The following PTPRE variants were observed in gnomAD, a reference collection of about 807,000 sequenced individuals.
PTPRE encodes receptor-type tyrosine-protein phosphatase epsilon.
Under a neutral mutation model 102.0 loss-of-function variants are expected in PTPRE, and 51 were observed. That is an observed-to-expected ratio of 0.50 (90% confidence interval 0.40 to 0.63). PTPRE has a LOEUF of 0.63. Among genes scored for constraint, PTPRE ranks in the 30% least tolerant of loss-of-function variants. PTPRE has a pLI of 0.00. For synonymous variants in PTPRE, 345 were observed against 348.2 expected (o/e 0.99, Z 0.10); for missense variants, 752 against 915.1 (o/e 0.82, Z 2.30).
At chr10:127,916,238 T>A (rs1465974486) in intron 1 of PTPRE, among the ~76,000 whole-genome samples, 3 of 152,116 alleles carry the variant, frequency 2.0e-5, no homozygotes, top group African/African-American at 7.2e-5. Flanking sequence ...AGGGACCTTG[T>A]AGGAGGTGAT....
In PTPRE at chr10:128,070,991, C is replaced by G. The variant is rs1452181502; in HGVS notation, c.1387+90C>G. The G allele has an allele frequency of 7.7e-7, 1 of 1,305,582 alleles. No homozygotes were observed. The highest frequency in any genetic ancestry group is 2.4e-5 in the East Asian group (1 of 41,890). 80.9% of individuals were successfully genotyped at this position (1,305,582 alleles called of 1,614,324 possible). ...TGGAGAAGCCATTGACCGCTTACCC[C>G]TGTGCACCAGGGTCAAAAGCAGGGT... On this transcript the variant is annotated intron_variant, in intron 15 of 20. Transcript: ENST00000254667. The surrounding 1 kb of genome is among the most constrained non-coding windows in gnomAD (Gnocchi z 4.8).
chr10:127,987,426 T>C (rs1479398195), intron 2 of PTPRE: 1 of 1,089,526 alleles, frequency 9.2e-7, no homozygotes, highest in African/African-American at 1.6e-5. Context: ...GTCTTTCTTG[T>C]CTCTTTGGTT....
chr10:128,023,209 ATAAAATAAACTTTATG>A (rs1846047387), intron 2 of PTPRE, among the ~76,000 whole-genome samples: 1 of 152,048 alleles, frequency 6.6e-6, no homozygotes, highest in South Asian at 2.1e-4. Flanking sequence ...TGCCTGATTT[ATAAAATAAACTTTATG>A]TAGGTATACA....
chr10:128,053,608 T>G (rs1304072292), intron 6 of PTPRE, among the ~76,000 whole-genome samples: 2 of 152,220 alleles, frequency 1.3e-5, no homozygotes, highest in Non-Finnish European at 2.9e-5. Context: ...ACTTCAACTT[T>G]GACCCTCTGT....
chr10:128,014,830 G>A (rs1408171510), intron 2 of PTPRE, among the ~76,000 whole-genome samples: 1 of 152,064 alleles, frequency 6.6e-6, no homozygotes, highest in African/African-American at 2.4e-5. Flanking sequence ...CCTGTGGCTG[G>A]GCGTCCATTT....
At chr10:128,016,677 G>T (rs1245921312) in intron 2 of PTPRE, among the ~76,000 whole-genome samples, 1 of 152,048 alleles carries the variant, frequency 6.6e-6, no homozygotes, top group Non-Finnish European at 1.5e-5. Context: ...GCTCAGAGGG[G>T]ACCACAGGGA....
At chr10:128,051,949 A>C (rs1277398941) in intron 6 of PTPRE, among the ~76,000 whole-genome samples, 1 of 152,190 alleles carries the variant, frequency 6.6e-6, no homozygotes, top group African/African-American at 2.4e-5. Context: ...CTGAAGACTC[A>C]ACCTCCCAGC....
At chr10:128,080,459 G>A (rs1206234008) in intron 20 of PTPRE, among the ~76,000 whole-genome samples, 2 of 152,196 alleles carry the variant, frequency 1.3e-5, no homozygotes. Flanking sequence ...GGCGCAGCAG[G>A]AGCGAGGACA....
intron 2 of PTPRE, among the ~76,000 whole-genome samples, chr10:127,989,783 G>A (rs1852449371): frequency 6.6e-6 from 1 of 152,178 alleles, no homozygotes; most frequent in Non-Finnish European, 1.5e-5. Flanking sequence ...TTATATTTTG[G>A]AACAGTTTTA....
intron 1 of PTPRE, among the ~76,000 whole-genome samples, chr10:127,961,970 T>G (rs1313735289): frequency 6.6e-6 from 1 of 152,344 alleles, no homozygotes; most frequent in East Asian, 1.9e-4. Flanking sequence ...CAGTTACCAC[T>G]CAGGAGATGC....
chr10:127,953,248 G>T (rs1849164945), intron 1 of PTPRE, among the ~76,000 whole-genome samples: 2 of 152,262 alleles, frequency 1.3e-5, no homozygotes, highest in Non-Finnish European at 2.9e-5. Flanking sequence ...AGTGGTGCTT[G>T]CGGTGTCAGT....
At chr10:127,993,763 A>G (rs1225159322) in intron 2 of PTPRE, among the ~76,000 whole-genome samples, 1 of 114,640 alleles carries the variant, frequency 8.7e-6, no homozygotes, top group African/African-American at 3.6e-5. Context: ...TGGATCTTTC[A>G]TAGTGGTGTG....
intron 2 of PTPRE, among the ~76,000 whole-genome samples, chr10:128,015,263 G>T (rs1845321629): frequency 6.6e-6 from 1 of 152,222 alleles, no homozygotes. Flanking sequence ...GGAGAATGGG[G>T]CCGGGCCTCG....
chr10:127,909,334 A>T (rs1158931127), intron 1 of PTPRE, among the ~76,000 whole-genome samples: 2 of 152,190 alleles, frequency 1.3e-5, no homozygotes, highest in African/African-American at 4.8e-5. Flanking sequence ...TGGTAGATGC[A>T]TCAGTTTCAA....
chr10:127,981,475 T>A (rs1851608110), intron 1 of PTPRE, among the ~76,000 whole-genome samples: 1 of 151,878 alleles, frequency 6.6e-6, no homozygotes, highest in African/African-American at 2.4e-5. Flanking sequence ...ATGAAAATTA[T>A]GTCTCAATAA....
chr10:128,047,136 CCT>C (rs537930006), intron 3 of PTPRE, among the ~76,000 whole-genome samples: 43 of 152,330 alleles, frequency 2.8e-4, no homozygotes, highest in African/African-American at 9.6e-4. Flanking sequence ...GGAACTCACC[CCT>C]GTCATGCCTG....
At chr10:128,059,425 A>C (rs1849309762) in intron 7 of PTPRE, among the ~76,000 whole-genome samples, 1 of 152,190 alleles carries the variant, frequency 6.6e-6, no homozygotes, top group South Asian at 2.1e-4. Flanking sequence ...CCCACCTGGC[A>C]GCCTTCCAGG....
At position 128,063,385 on chromosome 10, in the gene PTPRE, C is replaced by T. The variant is rs57003460; in HGVS notation, c.723+205C>T. ...CCCCAGCATCTCACTGTTATCTAAT[C>T]TGTGATAACACAATGACACAAGAGT... On this transcript the variant is annotated intron_variant, in intron 10 of 20. Coordinates refer to ENST00000254667, the MANE Select transcript of PTPRE (RefSeq NM_006504.6). Among the ~76,000 whole-genome samples the T allele has an allele frequency of 7.3e-3, 1,106 of 152,304 alleles. 12 individuals are homozygous for T. Among genetic ancestry groups the T allele is most frequent in the African/African-American group, 0.023 (975 of 41,566 alleles).
intron 2 of PTPRE, among the ~76,000 whole-genome samples, chr10:128,029,437 C>T (rs1846544683): frequency 6.6e-6 from 1 of 152,164 alleles, no homozygotes; most frequent in Non-Finnish European, 1.5e-5. Context: ...GCGTCTGAAG[C>T]AGGTGGCACA....
Sources: gnomAD v4.1 joint callset for allele counts (sites outside exome capture counted in the v4.1 genomes callset) on GRCh38, gnomAD v4.1.1 for gene constraint, Gnocchi (gnomAD v3.1) non-coding constraint, MANE v1.5 for transcripts, NCBI Gene and HGNC (gene_info 2026-07-23, HGNC 2026-07-21) for gene names.